Variants in FHIP1A observed in about 807,000 individuals in gnomAD.
FHIP1A encodes FHF complex subunit HOOK-interacting protein 1A.
A neutral mutation model predicts 88.6 loss-of-function variants in FHIP1A; 61 were observed. The observed-to-expected ratio is 0.69, with a 90% confidence interval of 0.56 to 0.85. The LOEUF is 0.85. Ranked by LOEUF, FHIP1A falls within the 40% of genes least tolerant of loss-of-function variation. FHIP1A has a pLI of 0.00. For missense variants in FHIP1A, 1,154 were observed against 1,273.5 expected, an observed-to-expected ratio of 0.91 and a Z score of 1.43; for synonymous variants, 478 against 496.0, an observed-to-expected ratio of 0.96 and a Z score of 0.48.
At chr4:151,605,458 C>T (rs139493537) in intron 7 of FHIP1A, among the ~76,000 whole-genome samples, 102 of 152,286 alleles carry the variant, frequency 6.7e-4, no homozygotes, top group Non-Finnish European at 1.2e-3. Flanking sequence ...AAAGCCTGCA[C>T]CTTTGGTTTA....
At chr4:151,629,615 C>A in intron 7 of FHIP1A, 87 bp from the exon 8 acceptor site, 1 of 1,198,032 alleles carries the variant, frequency 8.3e-7, no homozygotes, top group Non-Finnish European at 1.2e-6. Flanking sequence ...GATGATGTCA[C>A]TGTGGTGAGG....
chr4:151,516,957 T>C (rs1369356916), intron 3 of FHIP1A, among the ~76,000 whole-genome samples: 3 of 152,120 alleles, frequency 2.0e-5, no homozygotes, highest in Non-Finnish European at 2.9e-5. Context: ...ACTGGGTATA[T>C]ACCCAAAGGA....
chr4:151,656,621 C>T lies in FHIP1A; in HGVS notation c.2731-139C>T. On this transcript the variant is annotated intron_variant, in intron 12 of 13. Transcript: ENST00000435205. This position sits in a 1 kb window ranked among gnomAD's most constrained non-coding sequence, Gnocchi z 4.2. ...TGTTTTGACGGTGCCCTACGCAGAA[C>T]ACCCAGGCAGTTAAAAATGAACAAA... The T allele has an allele frequency of 2.8e-6, 3 of 1,070,322 alleles. No homozygotes were observed. Among genetic ancestry groups the T allele is most frequent in the Non-Finnish European group, 2.7e-6 (2 of 746,644 alleles). 66.3% of individuals were successfully genotyped at this position (1,070,322 alleles called of 1,614,324 possible).
At chr4:151,561,312 A>G (rs1464701657) in intron 3 of FHIP1A, among the ~76,000 whole-genome samples, 2 of 152,178 alleles carry the variant, frequency 1.3e-5, no homozygotes, top group African/African-American at 4.8e-5. Flanking sequence ...TGGCAAATTG[A>G]GGGAGGCTTA....
At chr4:151,471,479 C>G (rs1427865574) in intron 2 of FHIP1A, among the ~76,000 whole-genome samples, 1 of 152,014 alleles carries the variant, frequency 6.6e-6, no homozygotes, top group East Asian at 1.9e-4. Context: ...GAAGCCATAA[C>G]TTCTAAAAGA....
intron 13 of FHIP1A, 139 bp from the exon 14 acceptor site, chr4:151,662,362 C>T: frequency 1.2e-6 from 1 of 851,672 alleles, no homozygotes; most frequent in South Asian, 2.3e-5. Flanking sequence ...GCTGCATCTT[C>T]AGGATTTAGT....
intron 13 of FHIP1A, among the ~76,000 whole-genome samples, chr4:151,657,603 C>G (rs1478884367): frequency 1.3e-5 from 2 of 152,174 alleles, no homozygotes; most frequent in Non-Finnish European, 2.9e-5. Context: ...TGACCATTGT[C>G]CCCTGAGCTG....
intron 3 of FHIP1A, among the ~76,000 whole-genome samples, chr4:151,522,373 CAG>C (rs1731477512): frequency 6.6e-6 from 1 of 152,196 alleles, no homozygotes; most frequent in South Asian, 2.1e-4. Flanking sequence ...AGTGAATTGT[CAG>C]AGTCCTGGAC....
At chr4:151,487,955 A>G (rs748555409) in intron 3 of FHIP1A, among the ~76,000 whole-genome samples, 2 of 152,152 alleles carry the variant, frequency 1.3e-5, no homozygotes, top group Admixed American at 6.5e-5. Flanking sequence ...CCCTCTGCAT[A>G]TCTGCTTGGG....
At chr4:151,512,437 A>G (rs1731074339) in intron 3 of FHIP1A, among the ~76,000 whole-genome samples, 1 of 152,270 alleles carries the variant, frequency 6.6e-6, no homozygotes, top group South Asian at 2.1e-4. Context: ...CAGCAACGGA[A>G]CAAAGCTGGA....
intron 9 of FHIP1A, among the ~76,000 whole-genome samples, chr4:151,643,574 C>T (rs1022358959): frequency 6.6e-6 from 1 of 152,082 alleles, no homozygotes; most frequent in Non-Finnish European, 1.5e-5. Flanking sequence ...TATTTTTGTA[C>T]CCCTTAACTA....
At chr4:151,580,451 T>A (rs1324216376) in intron 5 of FHIP1A, among the ~76,000 whole-genome samples, 1 of 152,198 alleles carries the variant, frequency 6.6e-6, no homozygotes, top group Non-Finnish European at 1.5e-5. Context: ...TACCAGTTAA[T>A]ACTTATCAGA....
intron 3 of FHIP1A, among the ~76,000 whole-genome samples, chr4:151,512,914 A>T (rs1391415979): frequency 6.6e-6 from 1 of 152,224 alleles, no homozygotes; most frequent in African/African-American, 2.4e-5. Context: ...CCAATCTAGC[A>T]AGGCAGGCCA....
chr4:151,639,394 A>C (rs1736483384), intron 9 of FHIP1A, among the ~76,000 whole-genome samples: 2 of 152,202 alleles, frequency 1.3e-5, no homozygotes, highest in African/African-American at 4.8e-5. Flanking sequence ...TTCATTTGGC[A>C]GTTTAATAGG....
chr4:151,417,423 A>G (rs111587582), intron 1 of FHIP1A, among the ~76,000 whole-genome samples: 1,696 of 152,368 alleles, frequency 0.011, 24 homozygotes, highest in African/African-American at 0.04. Flanking sequence ...GTGACCAATC[A>G]GAGGCTGAAG....
chr4:151,569,597 C>T (rs1307217556), intron 4 of FHIP1A, among the ~76,000 whole-genome samples: 2 of 152,096 alleles, frequency 1.3e-5, no homozygotes, highest in East Asian at 3.9e-4. Flanking sequence ...CCTGTGGTAT[C>T]CCAAGTTCTG....
At chr4:151,626,690 C>T (rs1475275692) in intron 7 of FHIP1A, among the ~76,000 whole-genome samples, 4 of 152,138 alleles carry the variant, frequency 2.6e-5, no homozygotes, top group African/African-American at 9.7e-5. Context: ...TATGTAAATT[C>T]GTAGCTACCT....
chr4:151,625,059 C>T (rs531133688), intron 7 of FHIP1A, among the ~76,000 whole-genome samples: 1 of 152,290 alleles, frequency 6.6e-6, no homozygotes, highest in African/African-American at 2.4e-5. Flanking sequence ...GGATGTGCCT[C>T]CCACCTGTCC....
At chr4:151,573,295 TACAC>T (rs937827247) in intron 4 of FHIP1A, among the ~76,000 whole-genome samples, 7 of 147,620 alleles carry the variant, frequency 4.7e-5, no homozygotes, top group Non-Finnish European at 8.9e-5. Flanking sequence ...CACACACACA[TACAC>T]ACACACACAT....
Sources: allele counts gnomAD v4.1 joint callset (sites outside exome capture counted in the v4.1 genomes callset), GRCh38; gene constraint gnomAD v4.1.1; non-coding constraint Gnocchi (gnomAD v3.1); transcripts MANE v1.5; gene names NCBI Gene and HGNC (gene_info 2026-07-23, HGNC 2026-07-21).